The following SERBP1 variants were observed in gnomAD, a reference collection of about 807,000 sequenced individuals.
SERBP1 encodes the protein SERPINE1 mRNA-binding protein 1.
Under a neutral mutation model 50.2 loss-of-function variants are expected in SERBP1, and 6 were observed. The observed-to-expected ratio is 0.12, with a 90% CI of 0.07 to 0.24. The LOEUF (loss-of-function observed/expected upper bound fraction) is 0.24. Ranked by LOEUF, SERBP1 falls within the 10% of genes least tolerant of loss-of-function variation. SERBP1 has a pLI of 1.00. For missense variants in SERBP1, 346 were observed against 524.9 expected (o/e 0.66, Z 3.33); for synonymous variants, 168 against 182.8 (o/e 0.92, Z 0.65).
chr1:67,409,386 G>GACACGGACACAC lies in SERBP1; in HGVS notation c.*3820_*3821insGTGTGTCCGTGT, dbSNP rs779041332. ...AAACCATTCTTAACTCAGGGACACG[G>GACACGGACACAC]ACACACACACACACACACACACACA... On this transcript the variant is annotated 3_prime_UTR_variant, in exon 8 of 8. Coordinates refer to ENST00000361219, the MANE Select transcript of SERBP1 (RefSeq NM_001018069.2). The GACACGGACACAC allele has an allele frequency of 1.8e-5, 2 of 114,140 alleles. No homozygotes were observed. Among genetic ancestry groups the GACACGGACACAC allele is most frequent in the Non-Finnish European group, 3.5e-5 (2 of 57,088 alleles). The allele number at this position is 114,140 out of a possible 1,614,324, so 7.1% of individuals were successfully genotyped here. A position where few individuals can be genotyped will look rare whatever the true frequency, so the allele number is the denominator to read the frequency against.
intron 7 of SERBP1, 138 bp from the exon 8 acceptor site, chr1:67,413,401 C>T (rs973033575): frequency 1.6e-5 from 12 of 754,006 alleles, no homozygotes; most frequent in South Asian, 9.6e-5. Context: ...GTAATCCCAG[C>T]GCTTTGGGAG....
rs2100402491 is a variant in SERBP1 at position 67,410,773 on chromosome 1, A to G, written c.*2434T>C. 6.6e-6 allele frequency: 1 copy of G among 152,290 alleles called. No homozygotes were observed. The highest frequency in any genetic ancestry group is 1.9e-4 in the East Asian group (1 of 5,188). The allele number at this position is 152,290 out of a possible 1,614,324, so 9.4% of individuals were successfully genotyped here. ...TCAGTATGCTTAACTTTCATTATCA[A>G]AAAAGTGATCTGCTAAGAAGTGACA... is the stretch of plus-strand genomic sequence containing the variant. On this transcript the variant is annotated 3_prime_UTR_variant, in exon 8 of 8. Transcript: ENST00000361219.
chr1:67,415,409 G>T, intron 6 of SERBP1, 70 bp from the exon 7 acceptor site: 1 of 1,412,828 alleles, frequency 7.1e-7, no homozygotes, highest in Non-Finnish European at 9.4e-7. Context: ...TAAATAATGA[G>T]CTTTCTTCTA....
intron 6 of SERBP1, among the ~76,000 whole-genome samples, chr1:67,416,522 T>C (rs1329020254): frequency 6.6e-6 from 1 of 152,204 alleles, no homozygotes; most frequent in Non-Finnish European, 1.5e-5. Flanking sequence ...ACAGCTTTCT[T>C]TTCCTCTTTT....
intron 6 of SERBP1, among the ~76,000 whole-genome samples, chr1:67,416,700 C>T (rs900882230): frequency 1.3e-5 from 2 of 152,250 alleles, no homozygotes; most frequent in East Asian, 3.9e-4. Flanking sequence ...TCCATGTTTT[C>T]ACCCCTTACA....
rs1557500529 is a variant in SERBP1, at chr1:67,415,241, T to C, written c.1050A>G (p.Pro350=). ...LEINFGDLGR[P]GRGGRGGRGG... ...CTCGTCCTCCCCTGCCGCCACGTCC[T>C]GGGCGGCCAAGGTCTCCAAAATTGA... is the stretch of plus-strand genomic sequence containing the variant. Residue 350 remains proline, a synonymous_variant, in exon 7 of 8, where the codon CCA becomes CCG. Transcript: ENST00000361219. 1.1e-5 allele frequency: 18 copies of C among 1,613,430 alleles called. No homozygotes were observed. The highest frequency in any genetic ancestry group is 1.4e-5 in the Non-Finnish European group (17 of 1,179,640).
Position 67,428,014 on chromosome 1 carries a change from T to C in SERBP1, c.314-1729A>G, listed in dbSNP as rs187014402. On this transcript the variant is annotated intron_variant, in intron 1 of 7. Coordinates refer to ENST00000361219, the MANE Select transcript of SERBP1 (RefSeq NM_001018069.2). ...AAGTATGTCAAGTATTATGTCACAA[T>C]GTGTTATCAAAATCACAGAACACAA... Among the ~76,000 whole-genome samples the C allele has an allele frequency of 1.5e-3, 228 of 152,348 alleles. 2 individuals carry two copies. The highest frequency in any genetic ancestry group is 6.8e-3 in the Middle Eastern group (2 of 294).
At chr1:67,429,928 G>A (rs541897458) in intron 1 of SERBP1, 60 bp downstream of exon 1, 3 of 1,491,186 alleles carry the variant, frequency 2.0e-6, no homozygotes, top group East Asian at 2.4e-5. Flanking sequence ...AGTGGCAGCC[G>A]GCAGCCCCCT....
rs2100405045 is a variant in SERBP1, at chr1:67,411,788, C to A, written c.*1419G>T. 6.6e-6 allele frequency: 1 copy of A among 152,246 alleles called. No homozygotes were observed. The highest frequency in any genetic ancestry group is 3.4e-3 in the Middle Eastern group (1 of 294). The allele number at this position is 152,246 out of a possible 1,614,324, so 9.4% of individuals were successfully genotyped here. ...ACATTTCTAAAAATGACGTGACAAA[C>A]AATTCTTAAAAATTTTTTAAAAATT... is the stretch of plus-strand genomic sequence containing the variant. On this transcript the variant is annotated 3_prime_UTR_variant, in exon 8 of 8. Transcript: ENST00000361219.
At chr1:67,425,799 C>T (rs1667352060) in intron 2 of SERBP1, among the ~76,000 whole-genome samples, 1 of 152,138 alleles carries the variant, frequency 6.6e-6, no homozygotes, top group African/African-American at 2.4e-5. Context: ...CAATTATGCC[C>T]AATTTATAGC....
intron 6 of SERBP1, 24 bp downstream of exon 6, chr1:67,419,985 A>C (rs2100425362): frequency 1.2e-6 from 2 of 1,606,532 alleles, no homozygotes; most frequent in East Asian, 4.5e-5. Flanking sequence ...GAACATTTTC[A>C]AACACGACAA....
At chr1:67,422,637 C>T (rs1347251031) in intron 5 of SERBP1, among the ~76,000 whole-genome samples, 1 of 151,508 alleles carries the variant, frequency 6.6e-6, no homozygotes, top group Non-Finnish European at 1.5e-5. Context: ...CTTTAAACCA[C>T]AATACTGTAA....
chr1:67,416,124 C>G (rs1225739558), intron 6 of SERBP1, among the ~76,000 whole-genome samples: 2 of 151,914 alleles, frequency 1.3e-5, no homozygotes, highest in Non-Finnish European at 2.9e-5. Flanking sequence ...GCGATCCTCC[C>G]ACCTCAGCCT....
In SERBP1 at chr1:67,410,972, G is replaced by T. The variant is rs1666818071; in HGVS notation, c.*2235C>A. ...AATTTAAAAATTATAAACACACAGGGGTGTGCACACAGGTCAGAAACCAGG... is the reference window on the plus strand; with the variant it reads ...AATTTAAAAATTATAAACACACAGGTGTGTGCACACAGGTCAGAAACCAGG... On this transcript the variant is annotated 3_prime_UTR_variant, in exon 8 of 8. Transcript: ENST00000361219. 6.6e-6 allele frequency: 1 copy of T among 151,916 alleles called. No homozygotes were observed. The highest frequency in any genetic ancestry group is 2.4e-5 in the African/African-American group (1 of 41,340). The allele number at this position is 151,916 out of a possible 1,614,324, so 9.4% of individuals were successfully genotyped here. A position where few individuals can be genotyped will look rare whatever the true frequency, so the allele number is the denominator to read the frequency against.
chr1:67,412,236 T>C lies in SERBP1; in HGVS notation c.*971A>G, dbSNP rs1323410130. The C allele has an allele frequency of 6.6e-6, 1 of 152,618 alleles. No individual in the cohort carries two copies. Among genetic ancestry groups the C allele is most frequent in the Non-Finnish European group, 1.5e-5 (1 of 68,024 alleles). The allele number at this position is 152,618 out of a possible 1,614,324, so 9.5% of individuals were successfully genotyped here. On this transcript the variant is annotated 3_prime_UTR_variant, in exon 8 of 8. Coordinates refer to ENST00000361219, the MANE Select transcript of SERBP1 (RefSeq NM_001018069.2). Reference sequence around the variant, plus strand: ...ATGTACCATTTTGATTTTGGGACCTTTCACACACAGAAATCATACCAAATG... The same window carrying C: ...ATGTACCATTTTGATTTTGGGACCTCTCACACACAGAAATCATACCAAATG...
At chr1:67,424,708 T>C (rs577878903) in intron 4 of SERBP1, among the ~76,000 whole-genome samples, 180 bp downstream of exon 4, 59 of 152,174 alleles carry the variant, frequency 3.9e-4, no homozygotes, top group African/African-American at 1.1e-3. Context: ...TATCGAAATA[T>C]TAAAAAACCG....
At chr1:67,421,907 C>A (rs1667210917) in intron 5 of SERBP1, among the ~76,000 whole-genome samples, 1 of 152,100 alleles carries the variant, frequency 6.6e-6, no homozygotes, top group Non-Finnish European at 1.5e-5. Flanking sequence ...CCACTGCACT[C>A]TAGCATGGGA....
chr1:67,414,466 G>A (rs1383032901), intron 7 of SERBP1, among the ~76,000 whole-genome samples: 1 of 152,148 alleles, frequency 6.6e-6, no homozygotes, highest in African/African-American at 2.4e-5. Flanking sequence ...AATCAAGTAG[G>A]TGGGTCCCCA....
chr1:67,424,261 T>C lies in SERBP1; in HGVS notation c.712A>G (p.Asn238Asp). Residue 238 changes from asparagine to aspartate, a missense_variant, in exon 5 of 8, where the codon AAT becomes GAT. Asn to Asp is a conservative substitution (Grantham distance 23, BLOSUM62 1). Transcript: ENST00000361219. ...CCTTCAGGTGTTTCCTCAGTCACAT[T>C]TGATTGATCCAAGTCACTGTAATTA... ...KDELTDLDQS[N>D]VTEETPEGEE... The C allele has an allele frequency of 6.2e-6, 10 of 1,611,738 alleles. No homozygotes were observed. Among genetic ancestry groups the C allele is most frequent in the Non-Finnish European group, 8.5e-6 (10 of 1,178,370 alleles).
Sources: allele counts gnomAD v4.1 joint callset (sites outside exome capture counted in the v4.1 genomes callset), GRCh38; gene constraint gnomAD v4.1.1; transcripts MANE v1.5; gene names NCBI Gene and HGNC (gene_info 2026-07-23, HGNC 2026-07-21).